The following EML1 variants were observed in gnomAD, a reference collection of about 807,000 sequenced individuals.
The protein encoded by EML1 is EMAP like 1.
Under a neutral mutation model 110.4 loss-of-function variants are expected in EML1, and 27 were observed. The ratio of observed to expected loss-of-function variants is 0.24; its 90% CI spans 0.18 to 0.34. The LOEUF (loss-of-function observed/expected upper bound fraction) is 0.34. EML1 is among the 10% of genes least tolerant of loss of function. The pLI is 1.00. For synonymous variants in EML1, 344 were observed against 385.8 expected (o/e 0.89, Z 1.27); for missense variants, 741 against 1,030.9 (o/e 0.72, Z 3.85).
chr14:99,850,290 A>C, intron 1 of EML1: 6 of 1,288,810 alleles, frequency 4.7e-6, no homozygotes, highest in Non-Finnish European at 5.1e-6. Context: ...GATCACGGAG[A>C]GGTTTATAGA....
At chr14:99,932,698 C>T (rs1035982563) in intron 17 of EML1, among the ~76,000 whole-genome samples, 1 of 150,774 alleles carries the variant, frequency 6.6e-6, no homozygotes, top group African/African-American at 2.4e-5. Flanking sequence ...GTGTAGTTGT[C>T]AAAACTCCTC....
intron 1 of EML1, chr14:99,850,358 G>T (rs2058775367): frequency 2.3e-6 from 3 of 1,288,906 alleles, no homozygotes; most frequent in Middle Eastern, 4.2e-4. Flanking sequence ...TACCATAATT[G>T]TAAGGGTAGC....
intron 14 of EML1, 113 bp from the exon 15 acceptor site, chr14:99,914,453 C>T: frequency 1.3e-6 from 2 of 1,526,554 alleles, no homozygotes; most frequent in South Asian, 2.6e-5. Context: ...AGGAGAGAAA[C>T]TGTTGAGAGC....
chr14:99,904,029 C>T (rs572905883), intron 9 of EML1, among the ~76,000 whole-genome samples: 35 of 152,166 alleles, frequency 2.3e-4, no homozygotes, highest in African/African-American at 6.7e-4. Context: ...GTGATCCACC[C>T]GCCTCGGCCT....
At chr14:99,917,749 T>C (rs2060057715) in intron 15 of EML1, 33 bp from the exon 16 acceptor site, 3 of 1,607,566 alleles carry the variant, frequency 1.9e-6, no homozygotes, top group Non-Finnish European at 2.6e-6. Flanking sequence ...TTCTATCTGT[T>C]CATCAATTTA....
intron 4 of EML1, among the ~76,000 whole-genome samples, chr14:99,881,663 C>T (rs940805704): frequency 3.3e-5 from 5 of 150,796 alleles, no homozygotes; most frequent in African/African-American, 1.2e-4. Context: ...TGCAGTGGCA[C>T]AATCTCGGGT....
At chr14:99,857,579 G>A (rs1473060040) in intron 2 of EML1, among the ~76,000 whole-genome samples, 1 of 152,204 alleles carries the variant, frequency 6.6e-6, no homozygotes, top group African/African-American at 2.4e-5. Context: ...GTCATTTCCA[G>A]TTGCTCCCTC....
intron 1 of EML1, among the ~76,000 whole-genome samples, chr14:99,847,249 A>G (rs1029962124): frequency 6.6e-6 from 1 of 152,242 alleles, no homozygotes; most frequent in Non-Finnish European, 1.5e-5. Context: ...TGTCCTGAAA[A>G]TGTACCGTAT....
At chr14:99,847,512 G>A (rs544101250) in intron 1 of EML1, among the ~76,000 whole-genome samples, 2 of 152,066 alleles carry the variant, frequency 1.3e-5, no homozygotes, top group Admixed American at 1.3e-4. Context: ...ACCATGCCTG[G>A]CTAATTTTTA....
chr14:99,918,449 A>G (rs1435146333), intron 16 of EML1, among the ~76,000 whole-genome samples: 5 of 152,170 alleles, frequency 3.3e-5, no homozygotes, highest in Admixed American at 6.5e-5. Flanking sequence ...TCAAGCCCTG[A>G]TCTTGAGGCT....
chr14:99,907,325 G>T, intron 9 of EML1: 1 of 294,564 alleles, frequency 3.4e-6, no homozygotes, highest in Non-Finnish European at 6.3e-6. Context: ...AAGAGTAGCT[G>T]GGAGTGGTGG....
upstream of EML1, among the ~76,000 whole-genome samples, chr14:99,788,598 C>A (rs1486584834): frequency 6.6e-6 from 1 of 152,000 alleles, no homozygotes; most frequent in East Asian, 1.9e-4. Flanking sequence ...CCAACCTGGG[C>A]AACACATGGA....
chr14:99,860,992 T>C (rs541662463), intron 2 of EML1, among the ~76,000 whole-genome samples: 1 of 152,368 alleles, frequency 6.6e-6, no homozygotes, highest in East Asian at 1.9e-4. Flanking sequence ...AAAATCCTAT[T>C]TTCTATTTCT....
At chr14:99,859,696 G>T (rs1209163119) in intron 2 of EML1, among the ~76,000 whole-genome samples, 3 of 152,110 alleles carry the variant, frequency 2.0e-5, no homozygotes, top group Non-Finnish European at 4.4e-5. Context: ...GAAGTAAGTG[G>T]CTGGTTTTGG....
Position 99,939,559 on chromosome 14 carries a change from G to A in EML1, c.2322+232G>A, listed in dbSNP as rs1054226414. On this transcript the variant is annotated intron_variant, in intron 21 of 21. Coordinates refer to ENST00000262233, the MANE Select transcript of EML1 (RefSeq NM_004434.3). This position sits in a 1 kb window ranked among gnomAD's most constrained non-coding sequence, Gnocchi z 4.2. ...GCTCATCCACCTCTGCAGCCCCACA[G>A]GCTCACGACCCCGCCCTCCCCCACG... Among the ~76,000 whole-genome samples, 1 of 152,096 alleles carries A rather than the reference G, an allele frequency of 6.6e-6. No individual in the cohort carries two copies. Among genetic ancestry groups the A allele is most frequent in the African/African-American group, 2.4e-5 (1 of 41,410 alleles).
intron 1 of EML1, among the ~76,000 whole-genome samples, chr14:99,847,228 A>G (rs897596109): frequency 6.6e-6 from 1 of 152,236 alleles, no homozygotes; most frequent in African/African-American, 2.4e-5. Flanking sequence ...TTAATGACCC[A>G]GAATATGATG....
At chr14:99,763,785 G>A (rs1342459631) in intron 1 of EML1, among the ~76,000 whole-genome samples, 1 of 152,270 alleles carries the variant, frequency 6.6e-6, no homozygotes, top group African/African-American at 2.4e-5. Context: ...CACAAGCATG[G>A]ATAATGATGT....
intron 1 of EML1, among the ~76,000 whole-genome samples, chr14:99,846,558 C>T (rs2058711180): frequency 6.6e-6 from 1 of 152,154 alleles, no homozygotes; most frequent in Non-Finnish European, 1.5e-5. Flanking sequence ...GCTGAGATTA[C>T]AGGCATGAGC....
intron 10 of EML1, 27 bp downstream of exon 10, chr14:99,907,760 G>T (rs1279282182): frequency 6.2e-7 from 1 of 1,610,084 alleles, no homozygotes; most frequent in African/African-American, 1.3e-5. Context: ...TTTTTGGGCT[G>T]CATTAACATT....
Sources: gnomAD v4.1 joint callset for allele counts (sites outside exome capture counted in the v4.1 genomes callset) on GRCh38, gnomAD v4.1.1 for gene constraint, Gnocchi (gnomAD v3.1) non-coding constraint, MANE v1.5 for transcripts, NCBI Gene and HGNC (gene_info 2026-07-23, HGNC 2026-07-21) for gene names.